TMEM35A: variants seen among roughly 807,000 people sequenced by gnomAD.
The protein encoded by TMEM35A is transmembrane protein 35A.
For missense variants in TMEM35A, 83 were observed against 132.7 expected, an observed-to-expected ratio of 0.63 and a Z score of 1.84; for synonymous variants, 50 against 54.7, an observed-to-expected ratio of 0.91 and a Z score of 0.38.
At chrX:101,091,710 T>G (rs2089324850) in intron 1 of TMEM35A, among the ~76,000 whole-genome samples, 2 of 111,920 alleles carry the variant, frequency 1.8e-5, no homozygotes, top group Admixed American at 1.9e-4. Flanking sequence ...CATATTTATC[T>G]CTCCTATTTC....
rs140801815 is a variant in TMEM35A, at chrX:101,093,067, C to G, written c.121-1506C>G. Reference sequence around the variant, plus strand: ...GCAAACACTTTCATTTTTATAGATTCTACAAATATAAACTCCAGCTTCGCT... The same window carrying G: ...GCAAACACTTTCATTTTTATAGATTGTACAAATATAAACTCCAGCTTCGCT... On this transcript the variant is annotated intron_variant, in intron 1 of 1. Coordinates refer to ENST00000372930, the MANE Select transcript of TMEM35A (RefSeq NM_021637.3). Among the ~76,000 whole-genome samples, 750 of 111,137 alleles carry G rather than the reference C, an allele frequency of 6.7e-3. 6 individuals are homozygous for G. The highest frequency in any genetic ancestry group is 0.024 in the African/African-American group (726 of 30,719).
chrX:101,091,130 T>G (rs966898406), intron 1 of TMEM35A, among the ~76,000 whole-genome samples: 3 of 107,961 alleles, frequency 2.8e-5, no homozygotes, highest in Non-Finnish European at 5.8e-5. Flanking sequence ...CGTGAGACAC[T>G]GCACCCGGCC....
At chrX:101,089,526 G>C (rs777981506) in intron 1 of TMEM35A, among the ~76,000 whole-genome samples, 9 of 107,023 alleles carry the variant, frequency 8.4e-5, no homozygotes, top group African/African-American at 3.1e-4. Context: ...ACTAGAAAGC[G>C]GCAGGATCAC....
chrX:101,079,261 A>G, intron 1 of TMEM35A, 139 bp downstream of exon 1: 2 of 762,039 alleles, frequency 2.6e-6, no homozygotes, highest in Non-Finnish European at 3.7e-6. Flanking sequence ...ACAACTTTGC[A>G]GCTCGGAAGG....
chrX:101,078,894 T>A lies in TMEM35A; in HGVS notation c.-109T>A. The stretch of plus-strand genomic sequence containing the variant: ...CTCTCCCTTTGTCATTCTAGCTGCC[T>A]GCTGCCTCCGCAGCGTCCCCCCAGC... On this transcript the variant is annotated 5_prime_UTR_variant, in exon 1 of 2. Transcript: ENST00000372930. The A allele has an allele frequency of 9.5e-7, 1 of 1,055,244 alleles. No individual in the cohort carries two copies. Among genetic ancestry groups the A allele is most frequent in the Non-Finnish European group, 1.3e-6 (1 of 773,063 alleles). 87.0% of individuals were successfully genotyped at this position (1,055,244 alleles called of 1,213,427 possible).
intron 1 of TMEM35A, among the ~76,000 whole-genome samples, chrX:101,092,405 T>C (rs1158825987): frequency 9.0e-6 from 1 of 111,702 alleles, no homozygotes; most frequent in Non-Finnish European, 1.9e-5. Context: ...TGTGATCTTA[T>C]ACAGATCTCT....
intron 1 of TMEM35A, among the ~76,000 whole-genome samples, chrX:101,088,606 C>A (rs776813737): frequency 1.2e-4 from 13 of 109,393 alleles, no homozygotes; most frequent in Admixed American, 2.0e-4. Context: ...GACAGCGAGA[C>A]CCTCAGAAGT....
intron 1 of TMEM35A, among the ~76,000 whole-genome samples, chrX:101,093,516 G>A (rs1168915446): frequency 9.1e-6 from 1 of 110,015 alleles, no homozygotes; most frequent in Non-Finnish European, 1.9e-5. Context: ...GTTTCACCAT[G>A]TTGGCCAGGC....
At chrX:101,091,294 C>T (rs966220633) in intron 1 of TMEM35A, among the ~76,000 whole-genome samples, 1 of 92,584 alleles carries the variant, frequency 1.1e-5, no homozygotes, top group African/African-American at 4.3e-5. Flanking sequence ...CATCTTTTCT[C>T]TCTCTCTCTT....
intron 1 of TMEM35A, among the ~76,000 whole-genome samples, chrX:101,086,205 C>T (rs1461305551): frequency 1.8e-5 from 2 of 111,876 alleles, no homozygotes; most frequent in Non-Finnish European, 3.8e-5. Context: ...ACCGCAACCT[C>T]TGCTTCCCAG....
chrX:101,088,705 A>G (rs1419087625), intron 1 of TMEM35A, among the ~76,000 whole-genome samples: 5 of 111,452 alleles, frequency 4.5e-5, no homozygotes, highest in Non-Finnish European at 9.4e-5. Flanking sequence ...CAGGAGTTCG[A>G]GAAGAGCCTG....
chrX:101,087,944 G>A (rs1300281917), intron 1 of TMEM35A, among the ~76,000 whole-genome samples: 4 of 110,110 alleles, frequency 3.6e-5, no homozygotes, highest in Non-Finnish European at 5.7e-5. Flanking sequence ...CCTGGGAGGC[G>A]GAGGTTGTGG....
chrX:101,081,117 A>G (rs982793908), intron 1 of TMEM35A, among the ~76,000 whole-genome samples: 2 of 112,756 alleles, frequency 1.8e-5, no homozygotes, highest in Non-Finnish European at 3.7e-5. Flanking sequence ...AAATAGATAT[A>G]GTGTAACACA....
chrX:101,093,664 A>G (rs2089330613), intron 1 of TMEM35A, among the ~76,000 whole-genome samples: 1 of 112,527 alleles, frequency 8.9e-6, no homozygotes, highest in African/African-American at 3.2e-5. Context: ...ATGCTTTTAA[A>G]CTATAAAATC....
chrX:101,088,291 T>C (rs1286247816), intron 1 of TMEM35A, among the ~76,000 whole-genome samples: 1 of 112,658 alleles, frequency 8.9e-6, no homozygotes, highest in Non-Finnish European at 1.9e-5. Flanking sequence ...AATTGCCTCT[T>C]GAGAACTTTT....
At chrX:101,084,188 C>CA (rs746718674) in intron 1 of TMEM35A, among the ~76,000 whole-genome samples, 7,805 of 31,937 alleles carry the variant, frequency 0.24, 807 homozygotes, top group Non-Finnish European at 0.31. Flanking sequence ...AACTCCATCT[C>CA]AAAAAAAAAA....
At chrX:101,091,425 C>T (rs1182853108) in intron 1 of TMEM35A, among the ~76,000 whole-genome samples, 1 of 109,900 alleles carries the variant, frequency 9.1e-6, no homozygotes, top group Non-Finnish European at 1.9e-5. Context: ...ATCTCAGCCT[C>T]CCAAATAGCT....
rs770229862 is a variant in TMEM35A at position 101,094,883 on chromosome X, C to G, written c.431C>G (p.Pro144Arg). The part of the protein sequence containing the change: ...KPEDRSSEKK[P>R]LPGNAEEQPS... ...GAAGACCGGTCTTCTGAGAAGAAGC[C>G]TTTGCCAGGGAATGCTGAGGAGCAA... is the stretch of plus-strand genomic sequence containing the variant. Residue 144 changes from proline to arginine, a missense_variant, in exon 2 of 2, where the codon CCT (proline) becomes CGT (arginine). Physicochemically the swap from Pro to Arg is moderately radical, Grantham distance 103. Transcript: ENST00000372930. 3.0e-5 allele frequency: 36 copies of G among 1,207,915 alleles called. No homozygotes were observed. Among genetic ancestry groups the G allele is most frequent in the Non-Finnish European group, 4.0e-5 (36 of 895,090 alleles).
At chrX:101,083,205 A>G (rs1484943564) in intron 1 of TMEM35A, among the ~76,000 whole-genome samples, 1 of 111,797 alleles carries the variant, frequency 8.9e-6, no homozygotes, top group Non-Finnish European at 1.9e-5. Context: ...CCTTGACTAA[A>G]TGCCTTTATT....
Sources: allele counts gnomAD v4.1 joint callset (sites outside exome capture counted in the v4.1 genomes callset), GRCh38; gene constraint gnomAD v4.1.1; transcripts MANE v1.5; gene names NCBI Gene and HGNC (gene_info 2026-07-23, HGNC 2026-07-21).